MYO5B: variants seen among roughly 807,000 people sequenced by gnomAD.
MYO5B encodes myosin VB.
Under a neutral mutation model 229.3 loss-of-function variants are expected in MYO5B, and 143 were observed. The ratio of observed to expected loss-of-function variants is 0.62; its 90% CI spans 0.54 to 0.72. MYO5B has a LOEUF of 0.72. Among genes scored for constraint, MYO5B ranks in the 30% least tolerant of loss-of-function variants. The pLI is 0.00. For missense variants in MYO5B, 2,321 were observed against 2,331.0 expected (o/e 1.00, Z 0.09); for synonymous variants, 918 against 885.2 (o/e 1.04, Z -0.66).
intron 1 of MYO5B, among the ~76,000 whole-genome samples, chr18:50,062,011 G>A (rs1018623170): frequency 4.6e-5 from 7 of 152,168 alleles, no homozygotes; most frequent in Non-Finnish European, 7.3e-5. Context: ...AAGTTGCCAA[G>A]AGCTTAGTCA....
At chr18:50,107,326 A>C (rs943619940) in intron 1 of MYO5B, among the ~76,000 whole-genome samples, 29 of 151,796 alleles carry the variant, frequency 1.9e-4, no homozygotes, top group Non-Finnish European at 1.5e-5. Flanking sequence ...CATGTTAGCC[A>C]GGATGGTCTT....
In MYO5B at chr18:49,904,564, T is replaced by G. The variant is rs982491678; in HGVS notation, c.2571+108A>C. The G allele has an allele frequency of 5.1e-6, 7 of 1,380,716 alleles. No homozygotes were observed. In the African/African-American group the frequency reaches 1.0e-4, roughly 20 times the overall value. 85.5% of individuals were successfully genotyped at this position (1,380,716 alleles called of 1,614,324 possible). The stretch of plus-strand genomic sequence containing the variant: ...GTGAGAGCAGAGATGTGAAAGCATT[T>G]AGAAAAAAGTTGGGAGTGCTTGACA... On this transcript the variant is annotated intron_variant, in intron 20 of 39. Transcript: ENST00000285039.
intron 2 of MYO5B, among the ~76,000 whole-genome samples, chr18:50,054,534 G>T (rs1012243769): frequency 1.1e-4 from 17 of 152,168 alleles, no homozygotes; most frequent in African/African-American, 4.1e-4. Flanking sequence ...AGCATATAGG[G>T]TGAGCATCCA....
At chr18:50,142,764 C>T (rs2032436967) in intron 1 of MYO5B, among the ~76,000 whole-genome samples, 1 of 152,198 alleles carries the variant, frequency 6.6e-6, no homozygotes, top group Admixed American at 6.5e-5. Flanking sequence ...GGACCAAGAG[C>T]TTAAAGGGTA....
chr18:49,994,109 C>T (rs1203928315), intron 5 of MYO5B, among the ~76,000 whole-genome samples: 2 of 152,110 alleles, frequency 1.3e-5, no homozygotes, highest in South Asian at 2.1e-4. Context: ...GCATCGATGT[C>T]GCTTCTTCAG....
chr18:50,120,694 T>C (rs1205932840), intron 1 of MYO5B, among the ~76,000 whole-genome samples: 1 of 152,142 alleles, frequency 6.6e-6, no homozygotes, highest in African/African-American at 2.4e-5. Flanking sequence ...GTATGTGATA[T>C]GGAGACAATA....
chr18:50,137,430 C>T (rs1342286006), intron 1 of MYO5B, among the ~76,000 whole-genome samples: 2 of 152,182 alleles, frequency 1.3e-5, no homozygotes, highest in Non-Finnish European at 2.9e-5. Flanking sequence ...GTGAAGGAAC[C>T]TAGACAAGGT....
At chr18:50,192,592 A>G (rs1310517372) in intron 1 of MYO5B, among the ~76,000 whole-genome samples, 1 of 152,206 alleles carries the variant, frequency 6.6e-6, no homozygotes, top group Non-Finnish European at 1.5e-5. Context: ...TTCACCAGAA[A>G]GTCCTTTTCT....
intron 1 of MYO5B, among the ~76,000 whole-genome samples, chr18:50,057,396 A>T (rs561981833): frequency 1.3e-5 from 2 of 152,360 alleles, no homozygotes; most frequent in Admixed American, 6.5e-5. Flanking sequence ...GGAATGGCTC[A>T]AGATAACAGA....
intron 1 of MYO5B, among the ~76,000 whole-genome samples, chr18:50,146,132 A>C (rs2032498714): frequency 6.6e-6 from 1 of 152,236 alleles, no homozygotes; most frequent in Non-Finnish European, 1.5e-5. Flanking sequence ...GCACACTTGC[A>C]GGTTCTGCCT....
At position 49,992,459 on chromosome 18, in the gene MYO5B, G is replaced by GA. The variant is rs752586784; in HGVS notation, c.613-29dup. 3.5e-4 allele frequency: 556 copies of GA among 1,590,380 alleles called. 3 individuals carry two copies. In the Middle Eastern group the frequency reaches 4.4e-3, roughly 13 times the overall value. On this transcript the variant is annotated intron_variant, in intron 5 of 39. Transcript: ENST00000285039. Reference sequence around the variant, plus strand: ...GCACAGACCAGACAGACAAAGGTATGAAAAAAAAAGAGGGCTTTCTTGATT... The same window carrying GA: ...GCACAGACCAGACAGACAAAGGTATGAAAAAAAAAAGAGGGCTTTCTTGATT...
chr18:49,902,609 C>T lies in MYO5B; in HGVS notation c.2796G>A (p.Arg932=), dbSNP rs2024854471. ...GMENKVVQLQ[R]KIDEQNKEFK... ...AGACACTGACCTGCTCATCGATCTT[C>T]CGCTGCAGCTGGACCACCTTGTTCT... Residue 932 remains arginine, a synonymous_variant, in exon 21 of 40, where the codon CGG becomes CGA. Transcript: ENST00000285039. 1 of 1,612,766 alleles carries T rather than the reference C, an allele frequency of 6.2e-7. No homozygotes were observed.
chr18:50,011,202 C>G (rs7228893), intron 4 of MYO5B, among the ~76,000 whole-genome samples: 2 of 151,976 alleles, frequency 1.3e-5, no homozygotes, highest in Non-Finnish European at 2.9e-5. Context: ...ATTAGCCGGG[C>G]GTGGTGGCGG....
intron 8 of MYO5B, among the ~76,000 whole-genome samples, chr18:49,983,800 C>T (rs1207652433): frequency 1.3e-5 from 2 of 152,154 alleles, no homozygotes; most frequent in Non-Finnish European, 2.9e-5. Flanking sequence ...AACTGACTGG[C>T]TCTGGGAGCG....
At chr18:49,943,985 G>A (rs141920938) in intron 14 of MYO5B, among the ~76,000 whole-genome samples, 2 of 152,210 alleles carry the variant, frequency 1.3e-5, no homozygotes, top group East Asian at 3.9e-4. Flanking sequence ...CTGTGCATTC[G>A]GGGGGCTAAG....
intron 1 of MYO5B, among the ~76,000 whole-genome samples, chr18:50,140,264 C>T (rs898826101): frequency 4.6e-5 from 7 of 152,292 alleles, no homozygotes; most frequent in South Asian, 2.1e-4. Flanking sequence ...AAATGAATGA[C>T]GGCTATTTGC....
At chr18:49,980,291 C>A (rs1045406963) in intron 9 of MYO5B, among the ~76,000 whole-genome samples, 153 bp downstream of exon 9, 18 of 152,188 alleles carry the variant, frequency 1.2e-4, no homozygotes, top group Non-Finnish European at 2.4e-4. Context: ...AGGGTTGGCT[C>A]TTTTAAAAAA....
At chr18:50,010,290 G>C (rs916241082) in intron 4 of MYO5B, among the ~76,000 whole-genome samples, 3 of 152,206 alleles carry the variant, frequency 2.0e-5, no homozygotes, top group African/African-American at 7.2e-5. Context: ...GCAGCGAAAT[G>C]AATCTGTCCC....
intron 1 of MYO5B, among the ~76,000 whole-genome samples, chr18:50,193,900 C>T (rs116539858): frequency 0.016 from 2,409 of 152,328 alleles, 67 homozygotes; most frequent in African/African-American, 0.055. Flanking sequence ...TAACTTTAAC[C>T]ACAGCAACTG....
Sources: gnomAD v4.1 joint callset for allele counts (sites outside exome capture counted in the v4.1 genomes callset) on GRCh38, gnomAD v4.1.1 for gene constraint, MANE v1.5 for transcripts, NCBI Gene and HGNC (gene_info 2026-07-23, HGNC 2026-07-21) for gene names.